AGBL1: variants seen among roughly 807,000 people sequenced by gnomAD.
AGBL1 encodes AGBL carboxypeptidase 1.
In AGBL1, 130 loss-of-function variants were observed where a neutral mutation model predicts 118.9. That is an observed-to-expected ratio of 1.09 (90% confidence interval 0.95 to 1.26). AGBL1 has a LOEUF of 1.26. Ranked by LOEUF, AGBL1 falls within the 50% of genes most tolerant of loss-of-function variation. The probability of loss-of-function intolerance (pLI) is 0.00; values close to 1 mark genes in which losing one functional copy is unlikely to be tolerated. For synonymous variants in AGBL1, 555 were observed against 478.9 expected (o/e 1.16, Z -2.08); for missense variants, 1,584 against 1,298.1 (o/e 1.22, Z -3.38).
intron 11 of AGBL1, among the ~76,000 whole-genome samples, chr15:86,265,562 A>G (rs187082276): frequency 4.0e-4 from 61 of 152,346 alleles, no homozygotes; most frequent in Non-Finnish European, 7.8e-4. Flanking sequence ...TTTTCTTATT[A>G]TCCACGTCAT....
intron 3 of AGBL1, among the ~76,000 whole-genome samples, chr15:86,144,315 G>A (rs1384778985): frequency 6.6e-6 from 1 of 152,150 alleles, no homozygotes; most frequent in Admixed American, 6.5e-5. Flanking sequence ...TCCCGTTACT[G>A]GGTATATACC....
intron 17 of AGBL1, among the ~76,000 whole-genome samples, chr15:86,380,183 A>G (rs1255580188): frequency 2.0e-5 from 3 of 152,058 alleles, no homozygotes; most frequent in Non-Finnish European, 4.4e-5. Context: ...GGTCACACAG[A>G]CAGATATTCT....
At chr15:86,185,291 C>T (rs1034816329) in intron 5 of AGBL1, among the ~76,000 whole-genome samples, 1 of 152,194 alleles carries the variant, frequency 6.6e-6, no homozygotes, top group African/African-American at 2.4e-5. Context: ...AATAAGAACA[C>T]TCTTACACTG....
chr15:86,472,925 AC>A (rs1176368604), intron 18 of AGBL1, among the ~76,000 whole-genome samples: 1 of 152,196 alleles, frequency 6.6e-6, no homozygotes, highest in Non-Finnish European at 1.5e-5. Context: ...ATCTCAAAAA[AC>A]AAAAAACAGA....
At chr15:86,706,025 G>A (rs2086443763) in intron 22 of AGBL1, among the ~76,000 whole-genome samples, 1 of 151,810 alleles carries the variant, frequency 6.6e-6, no homozygotes, top group South Asian at 2.1e-4. Context: ...AATAATTCAA[G>A]ACATGAGATC....
chr15:86,543,703 G>A lies in AGBL1; in HGVS notation c.2686-2299G>A, dbSNP rs75096905. Among the ~76,000 whole-genome samples the A allele has an allele frequency of 9.5e-3, 1,442 of 152,288 alleles. 10 individuals are homozygous for A. Among genetic ancestry groups the A allele is most frequent in the Non-Finnish European group, 0.015 (1,042 of 68,022 alleles). Reference sequence around the variant, plus strand: ...ATAATACTGGACAACTAATGACAGGGAGCAGAACCAGGGTCTAATCAACCA... The same window carrying A: ...ATAATACTGGACAACTAATGACAGGAAGCAGAACCAGGGTCTAATCAACCA... On this transcript the variant is annotated intron_variant, in intron 19 of 22. Coordinates refer to ENST00000614907, the MANE Select transcript of AGBL1 (RefSeq NM_001386094.1).
At chr15:86,651,291 CCAAGGGTCTTGACTCAGACAAT>C (rs1423946670) in intron 21 of AGBL1, among the ~76,000 whole-genome samples, 1 of 152,038 alleles carries the variant, frequency 6.6e-6, no homozygotes, top group East Asian at 1.9e-4. Flanking sequence ...ATAGAGGCCT[CCAAGGGTCTTGACTCAGACAAT>C]CTAACTAGTT....
chr15:87,022,373 C>T (rs755715943), intron 24 of AGBL1, among the ~76,000 whole-genome samples: 60 of 151,876 alleles, frequency 4.0e-4, no homozygotes, highest in Non-Finnish European at 7.2e-4. Flanking sequence ...TAATCAGAGA[C>T]GTCTTTGAAT....
chr15:86,534,223 A>C (rs2142225941), intron 19 of AGBL1, among the ~76,000 whole-genome samples: 1 of 151,928 alleles, frequency 6.6e-6, no homozygotes, highest in South Asian at 2.1e-4. Context: ...AGAAAATAGT[A>C]AGCACTGTAA....
At chr15:86,554,669 G>A in intron 21 of AGBL1, 132 bp downstream of exon 21, 1 of 893,798 alleles carries the variant, frequency 1.1e-6, no homozygotes, top group Admixed American at 4.2e-5. Flanking sequence ...CCCTTGCCTT[G>A]AAAAACGGGT....
At chr15:86,924,973 G>A (rs906998353) in intron 23 of AGBL1, among the ~76,000 whole-genome samples, 1 of 151,550 alleles carries the variant, frequency 6.6e-6, no homozygotes, top group Non-Finnish European at 1.5e-5. Flanking sequence ...ATGGTGGTGG[G>A]CACCTGTAGT....
chr15:86,554,310 A>G, intron 20 of AGBL1, 51 bp from the exon 21 acceptor site: 1 of 1,425,130 alleles, frequency 7.0e-7, no homozygotes, highest in East Asian at 2.6e-5. Context: ...TATGATGACT[A>G]TCCCTAGTCA....
At chr15:86,616,339 CAAAAAAAAAAAAA>C (rs199936794) in intron 21 of AGBL1, among the ~76,000 whole-genome samples, 1 of 49,306 alleles carries the variant, frequency 2.0e-5, no homozygotes, top group South Asian at 9.9e-4. Context: ...TCCTCCACTT[CAAAAAAAAAAAAA>C]AAAAAAAAAA....
intron 22 of AGBL1, among the ~76,000 whole-genome samples, chr15:86,826,598 G>T (rs2141401355): frequency 6.6e-6 from 1 of 152,132 alleles, no homozygotes; most frequent in South Asian, 2.1e-4. Flanking sequence ...TCATTTAGTA[G>T]ACCCTAAAAT....
rs1490954419 is a variant in AGBL1 at position 86,605,995 on chromosome 15, C to T, written c.2994+51458C>T. ...TACAAAAATTAGCCTGGCGTGGTGG[C>T]AGGCACCTGTAATCCCAGCTACTAG... is the stretch of plus-strand genomic sequence containing the variant. On this transcript the variant is annotated intron_variant, in intron 21 of 22. Coordinates refer to ENST00000614907, the MANE Select transcript of AGBL1 (RefSeq NM_001386094.1). 2.6e-5 allele frequency among the ~76,000 whole-genome samples: 4 copies of T among 151,978 alleles called. No homozygotes were observed. In the East Asian group the frequency reaches 7.7e-4, roughly 29 times the overall value.
chr15:86,573,781 C>T (rs1456364717), intron 21 of AGBL1, among the ~76,000 whole-genome samples: 1 of 152,160 alleles, frequency 6.6e-6, no homozygotes, highest in Non-Finnish European at 1.5e-5. Context: ...TCCCCGAAGG[C>T]AGACAGAATC....
At chr15:86,500,365 G>T (rs1392592593) in intron 18 of AGBL1, among the ~76,000 whole-genome samples, 2 of 151,830 alleles carry the variant, frequency 1.3e-5, no homozygotes, top group Admixed American at 6.6e-5. Context: ...GGAAAGTTAA[G>T]AATAGGTTAT....
intron 18 of AGBL1, among the ~76,000 whole-genome samples, chr15:86,461,722 G>A (rs1478881264): frequency 6.6e-6 from 1 of 152,100 alleles, no homozygotes; most frequent in African/African-American, 2.4e-5. Context: ...ACCATCAAAT[G>A]TGCTTGCATT....
downstream of AGBL1, among the ~76,000 whole-genome samples, chr15:87,029,224 C>A (rs2081763450): frequency 6.6e-6 from 1 of 151,792 alleles, no homozygotes; most frequent in African/African-American, 2.4e-5. Context: ...TGAAATAGTG[C>A]CTCTTTTTTC....
Sources: gnomAD v4.1 joint callset for allele counts (sites outside exome capture counted in the v4.1 genomes callset) on GRCh38, gnomAD v4.1.1 for gene constraint, MANE v1.5 for transcripts, NCBI Gene and HGNC (gene_info 2026-07-23, HGNC 2026-07-21) for gene names.